The following MET variants were observed in gnomAD, a reference collection of about 807,000 sequenced individuals.
The protein encoded by MET is hepatocyte growth factor receptor.
Under a neutral mutation model 133.1 loss-of-function variants are expected in MET, and 48 were observed. That is an observed-to-expected ratio of 0.36 (90% CI 0.29 to 0.46). The LOEUF (loss-of-function observed/expected upper bound fraction) is 0.46. Ranked by LOEUF, MET falls within the 20% of genes least tolerant of loss-of-function variation. MET has a pLI of 1.00. For missense variants in MET, 1,442 were observed against 1,695.9 expected (o/e 0.85, Z 2.63); for synonymous variants, 628 against 616.5 (o/e 1.02, Z -0.28).
chr7:116,693,627 ACTTT>A (rs1433019092), intron 1 of MET, among the ~76,000 whole-genome samples: 1 of 152,180 alleles, frequency 6.6e-6, no homozygotes, highest in African/African-American at 2.4e-5. Flanking sequence ...AGCCCACGTG[ACTTT>A]CTGTCCTAGT....
In MET at chr7:116,676,354, G is replaced by A. The variant is rs113754807; in HGVS notation, c.-15+3777G>A. Among the ~76,000 whole-genome samples the A allele has an allele frequency of 5.7e-3, 874 of 152,282 alleles. 11 individuals are homozygous for A. Among genetic ancestry groups the A allele is most frequent in the African/African-American group, 0.019 (801 of 41,560 alleles). On this transcript the variant is annotated intron_variant, in intron 1 of 20. Transcript: ENST00000397752. Reference sequence around the variant, plus strand: ...TGCTTAGAGAATCACAAGTTATCGTGAAAGCCAGGTTCCTGTACTCCAAGA... The same window carrying A: ...TGCTTAGAGAATCACAAGTTATCGTAAAAGCCAGGTTCCTGTACTCCAAGA...
intron 2 of MET, among the ~76,000 whole-genome samples, chr7:116,716,276 GGAGAGAGGGAGAGAGAGA>G (rs1792189118): frequency 1.2e-5 from 1 of 82,774 alleles, no homozygotes; most frequent in African/African-American, 5.3e-5. Context: ...AGGGAAGGAG[GGAGAGAGGGAGAGAGAGA>G]GAGAGAGAGA....
chr7:116,730,750 C>G (rs1048065386), intron 2 of MET, among the ~76,000 whole-genome samples: 7 of 152,064 alleles, frequency 4.6e-5, no homozygotes, highest in African/African-American at 1.5e-4. Flanking sequence ...GAGCCATTCA[C>G]TGAGGTGTGT....
In MET at chr7:116,796,190, A is replaced by G; in HGVS notation, c.*66A>G. ...ATGGTTTTTTCACTGCCTGACCTTT[A>G]AAAGGCCATCGATATTCTTTGCTCT... is the stretch of plus-strand genomic sequence containing the variant. On this transcript the variant is annotated 3_prime_UTR_variant, in exon 21 of 21. Coordinates refer to ENST00000397752, the MANE Select transcript of MET (RefSeq NM_000245.4). 1 of 1,432,654 alleles carries G rather than the reference A, an allele frequency of 7.0e-7. No homozygotes were observed. Among genetic ancestry groups the G allele is most frequent in the South Asian group, 1.1e-5 (1 of 87,176 alleles). 88.7% of individuals were successfully genotyped at this position (1,432,654 alleles called of 1,614,324 possible).
At position 116,757,511 on chromosome 7, in the gene MET, C is replaced by A. The variant is rs751307227; in HGVS notation, c.1937C>A (p.Thr646Lys). The A allele has an allele frequency of 1.4e-5, 22 of 1,613,668 alleles. No individual in the cohort carries two copies. In the Admixed American group the frequency reaches 2.8e-4, roughly 21 times the overall value. The change falls in exon 7 of 21, where the codon ACA becomes AAA. Residue 646 changes from threonine to lysine, a missense_variant. This residue lies in a region of MET where 514 missense variants were observed against 659.6 expected (regional missense o/e 0.78). Coordinates refer to ENST00000397752, the MANE Select transcript of MET (RefSeq NM_000245.4). ...ATAATTATTTCAAATGGCCACGGGA[C>A]AACACAATACAGTACATTCTCCTAT... ...MSIIISNGHG[T>K]TQYSTFSYVD...
rs1033556559 is a variant in MET, at chr7:116,724,866, G to A, written c.1201-6802G>A. 9 of 1,284,782 alleles carry A rather than the reference G, an allele frequency of 7.0e-6. No individual in the cohort carries two copies. In the Admixed American group the frequency reaches 2.1e-4, roughly 31 times the overall value. 79.6% of individuals were successfully genotyped at this position (1,284,782 alleles called of 1,614,324 possible). ...ACTGAAGGTAATGTGAACACTCAGT[G>A]CCTCAGTTTCCTTCTAGGCTTCTTG... On this transcript the variant is annotated intron_variant, in intron 2 of 20. Transcript: ENST00000397752.
intron 3 of MET, among the ~76,000 whole-genome samples, chr7:116,733,273 A>G (rs1180891326): frequency 1.3e-5 from 2 of 152,028 alleles, no homozygotes; most frequent in African/African-American, 4.8e-5. Flanking sequence ...ACAAAGAAGG[A>G]CTAGAAAAGC....
At position 116,763,339 on chromosome 7, in the gene MET, C is replaced by T. The variant is rs748636241; in HGVS notation, c.2583+71C>T. The T allele has an allele frequency of 5.9e-6, 8 of 1,363,686 alleles. No individual in the cohort carries two copies. The South Asian group carries it at 8.5e-5, about 15-fold the overall frequency. 84.5% of individuals were successfully genotyped at this position (1,363,686 alleles called of 1,614,324 possible). ...AATTGACTTCATAGCTATGTGAATA[C>T]AATTGTTGTACTTGGCCATTGTATC... On this transcript the variant is annotated intron_variant, in intron 11 of 20. Coordinates refer to ENST00000397752, the MANE Select transcript of MET (RefSeq NM_000245.4).
At chr7:116,682,255 T>C (rs1412969314) in intron 1 of MET, among the ~76,000 whole-genome samples, 1 of 152,240 alleles carries the variant, frequency 6.6e-6, no homozygotes, top group Admixed American at 6.5e-5. Flanking sequence ...TTAATTACTT[T>C]CCAAACATTA....
intron 19 of MET, among the ~76,000 whole-genome samples, chr7:116,792,325 G>T (rs1795527061): frequency 6.6e-6 from 1 of 152,046 alleles, no homozygotes; most frequent in Non-Finnish European, 1.5e-5. Flanking sequence ...GCTCAAAATG[G>T]CTTGACCAAT....
intron 2 of MET, among the ~76,000 whole-genome samples, chr7:116,711,712 T>C (rs931525393): frequency 6.6e-6 from 1 of 152,132 alleles, no homozygotes; most frequent in African/African-American, 2.4e-5. Flanking sequence ...CCACCCAATC[T>C]ATTTGTCTCC....
intron 5 of MET, among the ~76,000 whole-genome samples, chr7:116,745,558 C>A (rs1054590164): frequency 2.0e-5 from 3 of 152,180 alleles, no homozygotes; most frequent in Non-Finnish European, 4.4e-5. Flanking sequence ...ACCAAAACAG[C>A]ATGGTACTGG....
At chr7:116,736,380 A>G (rs1224099937) in intron 3 of MET, among the ~76,000 whole-genome samples, 1 of 152,140 alleles carries the variant, frequency 6.6e-6, no homozygotes, top group Non-Finnish European at 1.5e-5. Context: ...AAAACCGTTC[A>G]ATTGTCCACT....
intron 1 of MET, among the ~76,000 whole-genome samples, chr7:116,679,577 C>T (rs937532828): frequency 2.6e-5 from 4 of 152,198 alleles, no homozygotes; most frequent in Middle Eastern, 3.4e-3. Context: ...AAGGGCAGGT[C>T]GCTTGTATGT....
chr7:116,774,545 C>T lies in MET; in HGVS notation c.3029-336C>T, dbSNP rs774593771. Among the ~76,000 whole-genome samples, 17 of 152,084 alleles carry T rather than the reference C, an allele frequency of 1.1e-4. 1 individual carries two copies. Among genetic ancestry groups the T allele is most frequent in the South Asian group, 6.2e-4 (3 of 4,820 alleles). On this transcript the variant is annotated intron_variant, in intron 14 of 20. Transcript: ENST00000397752. ...ATATTTGAGCTGGATTTTTGTGAGA[C>T]GAGGCAATTGCTCAACTACCTTTGC...
At chr7:116,770,984 G>A (rs966382822) in intron 12 of MET, among the ~76,000 whole-genome samples, 1 of 152,134 alleles carries the variant, frequency 6.6e-6, no homozygotes, top group Non-Finnish European at 1.5e-5. Flanking sequence ...AGCCAGAAGG[G>A]ACTTCAAAGA....
chr7:116,775,227 AACAAGTGTACTTGAT>A (rs1794958562), intron 15 of MET, 116 bp downstream of exon 15: 1 of 902,340 alleles, frequency 1.1e-6, no homozygotes, highest in African/African-American at 1.6e-5. Context: ...GAGCAGTGAT[AACAAGTGTACTTGAT>A]TTCTGTTCTA....
rs553049743 is a variant in MET at position 116,738,831 on chromosome 7, A to G, written c.1393-1119A>G. Among the ~76,000 whole-genome samples the G allele has an allele frequency of 3.3e-5, 5 of 152,348 alleles. No homozygotes were observed. In the East Asian group the frequency reaches 9.6e-4, roughly 29 times the overall value. ...TGTTTGTTAGAGTACAAAGCAGTTA[A>G]TTATTGCTGTAATTTTCATTCCCAT... is the stretch of plus-strand genomic sequence containing the variant. On this transcript the variant is annotated intron_variant, in intron 3 of 20. Transcript: ENST00000397752.
At chr7:116,768,376 C>T (rs1171785561) in intron 11 of MET, among the ~76,000 whole-genome samples, 1 of 152,128 alleles carries the variant, frequency 6.6e-6, no homozygotes, top group East Asian at 1.9e-4. Flanking sequence ...CCCTTCAGAC[C>T]TAGCCAACAA....
Sources: gnomAD v4.1 joint callset for allele counts (sites outside exome capture counted in the v4.1 genomes callset) on GRCh38, gnomAD v4.1.1 for gene constraint, gnomAD v4.1.1 regional missense constraint, MANE v1.5 for transcripts, NCBI Gene and HGNC (gene_info 2026-07-23, HGNC 2026-07-21) for gene names.